Variants in PDE4D observed in about 807,000 individuals in gnomAD.
PDE4D encodes phosphodiesterase 4D.
In PDE4D, 24 loss-of-function variants were observed where a neutral mutation model predicts 87.4. That is an observed-to-expected ratio of 0.27 (90% confidence interval 0.20 to 0.39). The LOEUF (loss-of-function observed/expected upper bound fraction) is 0.39, where lower values mean the gene tolerates loss of function less well. PDE4D is among the 10% of genes least tolerant of loss of function. PDE4D has a pLI of 1.00. For missense variants in PDE4D, 714 were observed against 1,041.0 expected (o/e 0.69, Z 4.32); for synonymous variants, 384 against 383.2 (o/e 1.00, Z -0.02).
At chr5:59,408,410 G>A (rs1163666123) in intron 1 of PDE4D, among the ~76,000 whole-genome samples, 1 of 152,196 alleles carries the variant, frequency 6.6e-6, no homozygotes, top group Non-Finnish European at 1.5e-5. Context: ...GAAAGCCTGG[G>A]TGTCCAGGCA....
chr5:60,436,088 T>C (rs193040035), intron 1 of PDE4D, among the ~76,000 whole-genome samples: 10 of 152,146 alleles, frequency 6.6e-5, no homozygotes, highest in Non-Finnish European at 8.8e-5. Flanking sequence ...TCAGGTAGCA[T>C]TTCTTTAGGT....
At chr5:60,375,668 G>A (rs971312120) in intron 1 of PDE4D, among the ~76,000 whole-genome samples, 6 of 152,114 alleles carry the variant, frequency 3.9e-5, no homozygotes, top group Admixed American at 3.3e-4. Context: ...GTTCCTACCT[G>A]TACTGGCCCC....
intron 1 of PDE4D, among the ~76,000 whole-genome samples, chr5:60,475,164 C>A (rs1748214676): frequency 6.6e-6 from 1 of 152,092 alleles, no homozygotes; most frequent in South Asian, 2.1e-4. Context: ...GCTCCCTAAG[C>A]ACCCTGTCTT....
exon 2 of PDE4D, chr5:60,185,665 C>T: frequency 9.6e-7 from 1 of 1,040,108 alleles, no homozygotes; most frequent in Non-Finnish European, 1.4e-6. Context: ...CTGCACGTAT[C>T]CACTCAAAAG....
At chr5:59,291,872 A>G (rs1338809933) in intron 1 of PDE4D, among the ~76,000 whole-genome samples, 2 of 151,742 alleles carry the variant, frequency 1.3e-5, no homozygotes, top group Admixed American at 6.6e-5. Context: ...CCAGGCATGC[A>G]GTGAATGCTA....
intron 5 of PDE4D, 39 bp from the exon 6 acceptor site, chr5:59,039,010 C>G: frequency 6.5e-7 from 1 of 1,548,514 alleles, no homozygotes; most frequent in African/African-American, 1.4e-5. Context: ...AGTTCTCAAG[C>G]GCTTCACGGG....
chr5:60,316,752 G>C (rs1755645872), intron 1 of PDE4D, among the ~76,000 whole-genome samples: 1 of 152,094 alleles, frequency 6.6e-6, no homozygotes, highest in Non-Finnish European at 1.5e-5. Context: ...TAATCATATG[G>C]TTTTTGTCAT....
intron 1 of PDE4D, among the ~76,000 whole-genome samples, chr5:59,600,826 A>AT (rs1229914442): frequency 6.6e-6 from 1 of 152,214 alleles, no homozygotes; most frequent in Non-Finnish European, 1.5e-5. Flanking sequence ...ACAAATGTAA[A>AT]TAAAAACAAA....
intron 1 of PDE4D, among the ~76,000 whole-genome samples, chr5:60,194,541 A>G (rs1312224794): frequency 6.6e-6 from 1 of 151,672 alleles, no homozygotes; most frequent in East Asian, 1.9e-4. Context: ...CTCTCCACCA[A>G]TGAATCAGAA....
rs70973189 is a variant in PDE4D at position 59,075,075 on chromosome 5, AACACACACACACACAC to A, written c.809-36120_809-36105del. On this transcript the variant is annotated intron_variant, in intron 5 of 14. Coordinates refer to ENST00000340635, the MANE Select transcript of PDE4D (RefSeq NM_001104631.2). ...TTGAGAAGGAGTAAAAAGCTTACAA[AACACACACACACACAC>A]ACACACACACACACACACACACACA... 9.5e-4 allele frequency among the ~76,000 whole-genome samples: 123 copies of A among 129,874 alleles called. 2 individuals carry two copies. The Middle Eastern group carries it at 0.012, about 12-fold the overall frequency. 85.2% of individuals were successfully genotyped at this position (129,874 alleles called of 152,430 possible). A position where few individuals can be genotyped will look rare whatever the true frequency, so the allele number is the denominator to read the frequency against.
chr5:60,317,665 C>T (rs1261250248), intron 1 of PDE4D, among the ~76,000 whole-genome samples: 1 of 152,146 alleles, frequency 6.6e-6, no homozygotes. Context: ...TTGAATGTAT[C>T]CCAGAGATTC....
chr5:60,302,649 T>C (rs1465920855), intron 1 of PDE4D, among the ~76,000 whole-genome samples: 3 of 152,214 alleles, frequency 2.0e-5, no homozygotes, highest in Non-Finnish European at 4.4e-5. Context: ...GAAGGATTTT[T>C]TTGTGTCTCT....
chr5:59,609,086 A>C (rs1828626331), intron 1 of PDE4D, among the ~76,000 whole-genome samples: 1 of 152,130 alleles, frequency 6.6e-6, no homozygotes. Flanking sequence ...CAGAACCACT[A>C]ATTAATATAG....
chr5:59,445,286 C>A (rs1798184837), intron 1 of PDE4D, among the ~76,000 whole-genome samples: 1 of 152,170 alleles, frequency 6.6e-6, no homozygotes, highest in South Asian at 2.1e-4. Flanking sequence ...AAGGAAGAAT[C>A]ATTCAGTACC....
chr5:60,125,612 A>G (rs1266009591), intron 2 of PDE4D, among the ~76,000 whole-genome samples: 4 of 152,180 alleles, frequency 2.6e-5, no homozygotes, highest in Admixed American at 2.0e-4. Flanking sequence ...AGACAGAGAG[A>G]GAGAGAGAGA....
At chr5:60,432,821 C>T (rs1434150211) in intron 1 of PDE4D, among the ~76,000 whole-genome samples, 1 of 152,142 alleles carries the variant, frequency 6.6e-6, no homozygotes, top group Admixed American at 6.5e-5. Flanking sequence ...CAAAAACAAG[C>T]AATGGGGAAA....
At chr5:60,147,633 C>T in intron 2 of PDE4D, 1 of 304,178 alleles carries the variant, frequency 3.3e-6, no homozygotes, top group East Asian at 9.7e-5. Context: ...TTCTAAGGAT[C>T]AAGAATTCAG....
chr5:60,124,772 C>T (rs1179766645), intron 2 of PDE4D, among the ~76,000 whole-genome samples: 1 of 152,126 alleles, frequency 6.6e-6, no homozygotes, highest in East Asian at 1.9e-4. Flanking sequence ...TGCCCTCCCA[C>T]CATTTCTTCT....
chr5:59,437,229 G>A (rs1461177962), intron 1 of PDE4D, among the ~76,000 whole-genome samples: 1 of 152,186 alleles, frequency 6.6e-6, no homozygotes, highest in African/African-American at 2.4e-5. Context: ...GTTAAATGGA[G>A]TGGCATTTTG....
Sources: allele counts gnomAD v4.1 joint callset (sites outside exome capture counted in the v4.1 genomes callset), GRCh38; gene constraint gnomAD v4.1.1; transcripts MANE v1.5; gene names NCBI Gene and HGNC (gene_info 2026-07-23, HGNC 2026-07-21).